Variants in RANBP2 observed in about 807,000 individuals in gnomAD.
RANBP2 encodes the protein E3 SUMO-protein ligase RanBP2.
A neutral mutation model predicts 303.6 loss-of-function variants in RANBP2; 57 were observed. That is an observed-to-expected ratio of 0.19 (90% confidence interval 0.15 to 0.23). The LOEUF (loss-of-function observed/expected upper bound fraction) is 0.23. RANBP2 is among the 10% of genes least tolerant of loss of function. The pLI is 1.00. For synonymous variants in RANBP2, 1,167 were observed against 1,301.5 expected (o/e 0.90, Z 2.23); for missense variants, 3,138 against 3,780.8 (o/e 0.83, Z 4.46).
At chr2:109,541,043 T>C in the RANBP2 span, among the ~76,000 whole-genome samples, 1 of 152,248 alleles carries the variant, frequency 6.6e-6, no homozygotes, top group Non-Finnish European at 1.5e-5. Context: ...GTCATACCTG[T>C]GCTATTTCCT....
At chr2:108,897,311 T>G in the RANBP2 span, 1 of 1,343,482 alleles carries the variant, frequency 7.4e-7, no homozygotes, top group Non-Finnish European at 1.0e-6. Flanking sequence ...TTAAATGAAA[T>G]AAAAATTATT....
the RANBP2 span, chr2:109,251,361 G>C: frequency 1.7e-6 from 1 of 604,780 alleles, no homozygotes; most frequent in South Asian, 1.5e-5. Context: ...CCTGCCGCGG[G>C]AGCATGAGGG....
chr2:109,673,195 A>G, the RANBP2 span, among the ~76,000 whole-genome samples: 1 of 152,094 alleles, frequency 6.6e-6, no homozygotes, highest in African/African-American at 2.4e-5. Flanking sequence ...GTGGAGCCTA[A>G]CTCTATGTGA....
At chr2:109,727,934 G>C in the RANBP2 span, among the ~76,000 whole-genome samples, 1 of 152,136 alleles carries the variant, frequency 6.6e-6, no homozygotes, top group Admixed American at 6.5e-5. Flanking sequence ...TCCTTATCAA[G>C]AGGCAAAGTC....
the RANBP2 span, among the ~76,000 whole-genome samples, chr2:109,194,024 G>C: frequency 2.0e-5 from 3 of 152,200 alleles, no homozygotes; most frequent in African/African-American, 7.2e-5. Flanking sequence ...GAAAGTTTTA[G>C]AACAGTCTGT....
chr2:109,576,711 G>T, the RANBP2 span, among the ~76,000 whole-genome samples: 2 of 152,060 alleles, frequency 1.3e-5, no homozygotes, highest in East Asian at 3.9e-4. Context: ...TGAATGTTTT[G>T]TCTTATGCTA....
the RANBP2 span, among the ~76,000 whole-genome samples, chr2:108,790,912 C>T: frequency 1.0e-3 from 152 of 151,862 alleles, no homozygotes; most frequent in African/African-American, 3.5e-3. Flanking sequence ...CCACTACTCC[C>T]AGCTAATTTA....
At chr2:109,467,683 AAG>A in the RANBP2 span, among the ~76,000 whole-genome samples, 1 of 152,276 alleles carries the variant, frequency 6.6e-6, no homozygotes, top group African/African-American at 2.4e-5. Context: ...TTAGAGCCAG[AAG>A]AGAGGACGAG....
chr2:109,612,906 C>A, the RANBP2 span, among the ~76,000 whole-genome samples: 3 of 152,232 alleles, frequency 2.0e-5, no homozygotes, highest in Non-Finnish European at 2.9e-5. Context: ...AGCCTGCAAT[C>A]TGAACTGTTT....
At chr2:108,762,071 G>A in intron 18 of RANBP2, 30 bp from the exon 19 acceptor site, 1 of 1,596,292 alleles carries the variant, frequency 6.3e-7, no homozygotes, top group South Asian at 1.1e-5. Flanking sequence ...CTTTAACAGT[G>A]TTTTCTTTAT....
At chr2:108,807,135 C>A in the RANBP2 span, among the ~76,000 whole-genome samples, 10 of 152,154 alleles carry the variant, frequency 6.6e-5, no homozygotes, top group South Asian at 1.9e-3. Flanking sequence ...AAGAAAAAAA[C>A]CCCAGAGAAT....
the RANBP2 span, among the ~76,000 whole-genome samples, chr2:109,593,291 G>A: frequency 6.6e-6 from 1 of 152,052 alleles, no homozygotes; most frequent in Non-Finnish European, 1.5e-5. Flanking sequence ...TTTCTTGCTG[G>A]ATAGGTATCT....
At chr2:109,588,249 T>G in the RANBP2 span, among the ~76,000 whole-genome samples, 1 of 152,084 alleles carries the variant, frequency 6.6e-6, no homozygotes, top group Non-Finnish European at 1.5e-5. Context: ...ATGATCAAAG[T>G]TCTTCAAGAG....
the RANBP2 span, among the ~76,000 whole-genome samples, chr2:109,497,822 CTTGT>C: frequency 6.6e-6 from 1 of 152,234 alleles, no homozygotes; most frequent in Non-Finnish European, 1.5e-5. Flanking sequence ...TTTAAAGCTG[CTTGT>C]TTATTTCACA....
At chr2:108,858,781 C>T in the RANBP2 span, among the ~76,000 whole-genome samples, 1 of 151,584 alleles carries the variant, frequency 6.6e-6, no homozygotes, top group Non-Finnish European at 1.5e-5. Flanking sequence ...GAGGTTTGGG[C>T]TTCAACTGAA....
chr2:108,729,908 A>G (rs956562261), intron 2 of RANBP2, among the ~76,000 whole-genome samples: 1 of 151,964 alleles, frequency 6.6e-6, no homozygotes, highest in Non-Finnish European at 1.5e-5. Context: ...TTTGGTAGAG[A>G]CAGGTGTCAC....
chr2:108,806,632 C>T, the RANBP2 span, among the ~76,000 whole-genome samples: 3 of 152,122 alleles, frequency 2.0e-5, no homozygotes, highest in Non-Finnish European at 4.4e-5. Flanking sequence ...CAATAAGTAA[C>T]GAGCGTGGCT....
the RANBP2 span, chr2:108,912,631 G>T: frequency 6.6e-7 from 1 of 1,508,552 alleles, no homozygotes; most frequent in Non-Finnish European, 9.0e-7. Flanking sequence ...GCTTTCATCC[G>T]AGTACCACCT....
the RANBP2 span, among the ~76,000 whole-genome samples, chr2:108,999,033 A>G: frequency 6.6e-6 from 1 of 152,250 alleles, no homozygotes; most frequent in African/African-American, 2.4e-5. Flanking sequence ...TTTTGCAAAT[A>G]AATTTATCCA....
Sources: allele counts gnomAD v4.1 joint callset (sites outside exome capture counted in the v4.1 genomes callset), GRCh38; gene constraint gnomAD v4.1.1; transcripts MANE v1.5; gene names NCBI Gene and HGNC (gene_info 2026-07-23, HGNC 2026-07-21).